The following GRB10 variants were observed in gnomAD, a reference collection of about 807,000 sequenced individuals.
GRB10 encodes the protein growth factor receptor-bound protein 10.
Under a neutral mutation model 80.9 loss-of-function variants are expected in GRB10, and 20 were observed. The ratio of observed to expected loss-of-function variants is 0.25; its 90% confidence interval spans 0.17 to 0.36. The LOEUF is 0.36. GRB10 is among the 10% of genes least tolerant of loss of function. The probability of loss-of-function intolerance (pLI) is 1.00; values close to 1 mark genes in which losing one functional copy is unlikely to be tolerated. For missense variants in GRB10, 548 were observed against 747.7 expected (o/e 0.73, Z 3.12); for synonymous variants, 291 against 291.5 (o/e 1.00, Z 0.02).
chr7:50,605,444 A>G (rs765352363), intron 14 of GRB10, 38 bp from the exon 15 acceptor site: 22 of 1,506,850 alleles, frequency 1.5e-5, no homozygotes, highest in Middle Eastern at 1.7e-4. Context: ...AATGCAGGGA[A>G]ATAAGGCAGA....
chr7:50,756,451 C>G (rs763509589), intron 2 of GRB10, among the ~76,000 whole-genome samples: 2 of 152,214 alleles, frequency 1.3e-5, no homozygotes, highest in African/African-American at 4.8e-5. Context: ...TTCGGCCCAC[C>G]CAGCAGGAAC....
At chr7:50,662,965 T>C (rs1303661820) in intron 7 of GRB10, among the ~76,000 whole-genome samples, 1 of 152,230 alleles carries the variant, frequency 6.6e-6, no homozygotes, top group Non-Finnish European at 1.5e-5. Flanking sequence ...TTTACCAATT[T>C]TGCAAATTCT....
chr7:50,777,673 C>T (rs1471491415), intron 2 of GRB10, among the ~76,000 whole-genome samples: 2 of 152,016 alleles, frequency 1.3e-5, no homozygotes, highest in African/African-American at 4.8e-5. Context: ...CCCAAATGCC[C>T]ATTAATGATA....
intron 3 of GRB10, among the ~76,000 whole-genome samples, chr7:50,738,634 T>G (rs986015245): frequency 3.3e-5 from 5 of 152,202 alleles, no homozygotes; most frequent in African/African-American, 9.7e-5. Flanking sequence ...CATCCTACAG[T>G]TATACAACTG....
At chr7:50,597,931 T>A (rs1402246284) in intron 17 of GRB10, among the ~76,000 whole-genome samples, 1 of 152,180 alleles carries the variant, frequency 6.6e-6, no homozygotes, top group Admixed American at 6.5e-5. Context: ...TGGTGCAATC[T>A]CAGATCACTG....
At chr7:50,765,615 G>T (rs988201459) in intron 2 of GRB10, among the ~76,000 whole-genome samples, 2 of 152,122 alleles carry the variant, frequency 1.3e-5, no homozygotes, top group Non-Finnish European at 2.9e-5. Context: ...AGAGTAGATT[G>T]GTGGTTACCA....
intron 7 of GRB10, among the ~76,000 whole-genome samples, chr7:50,668,573 C>A (rs190185357): frequency 1.3e-5 from 2 of 152,120 alleles, no homozygotes; most frequent in African/African-American, 4.8e-5. Context: ...TTAATTCATA[C>A]GGGATGGCAT....
At chr7:50,678,120 C>A (rs1214793982) in intron 5 of GRB10, among the ~76,000 whole-genome samples, 2 of 152,192 alleles carry the variant, frequency 1.3e-5, no homozygotes, top group Admixed American at 1.3e-4. Context: ...CCTTTTCCTG[C>A]TAAGCCTTCT....
intron 4 of GRB10, among the ~76,000 whole-genome samples, chr7:50,716,157 C>T (rs2066833995): frequency 6.6e-6 from 1 of 152,242 alleles, no homozygotes. Flanking sequence ...ACAGAGCCAT[C>T]TGGAGAGAAG....
intron 5 of GRB10, among the ~76,000 whole-genome samples, chr7:50,692,925 G>A (rs2062993714): frequency 6.6e-6 from 1 of 152,084 alleles, no homozygotes; most frequent in African/African-American, 2.4e-5. Context: ...TGACTTCTGG[G>A]CAAGTTATCA....
chr7:50,736,720 A>C (rs980180150), intron 3 of GRB10, among the ~76,000 whole-genome samples: 1 of 152,064 alleles, frequency 6.6e-6, no homozygotes, highest in Non-Finnish European at 1.5e-5. Context: ...GGAATTGAGG[A>C]TGCAGTGAGC....
At chr7:50,676,340 G>GA (rs1563400611) in intron 5 of GRB10, among the ~76,000 whole-genome samples, 3 of 149,490 alleles carry the variant, frequency 2.0e-5, no homozygotes, top group Non-Finnish European at 4.5e-5. Context: ...CCCACCGGGG[G>GA]GGGGGGGGGG....
chr7:50,655,798 C>T (rs908956200), intron 7 of GRB10, among the ~76,000 whole-genome samples: 1 of 152,238 alleles, frequency 6.6e-6, no homozygotes, highest in Admixed American at 6.5e-5. Flanking sequence ...CTATCTCAGC[C>T]ACCATCCAGG....
In GRB10 at chr7:50,763,118, CA is replaced by C. The variant is rs200821473; in HGVS notation, c.-216-7063del. On this transcript the variant is annotated intron_variant, in intron 2 of 18. Transcript: ENST00000401949. ...GGGCGACAGAGCAAGACTCCGTCTC[CA>C]AAAAAAAAAAAAAGCCTTGGGACAA... 3.0e-3 allele frequency among the ~76,000 whole-genome samples: 312 copies of C among 102,310 alleles called. No individual in the cohort carries two copies. The Middle Eastern group carries it at 0.034, about 11-fold the overall frequency. 67.1% of individuals were successfully genotyped at this position (102,310 alleles called of 152,430 possible).
chr7:50,736,215 G>A (rs1218282357), intron 3 of GRB10, among the ~76,000 whole-genome samples: 2 of 152,170 alleles, frequency 1.3e-5, no homozygotes, highest in Non-Finnish European at 2.9e-5. Flanking sequence ...GAACCTGGGA[G>A]GTGGAGGTTG....
intron 8 of GRB10, among the ~76,000 whole-genome samples, chr7:50,626,277 T>G (rs1304783436): frequency 6.6e-6 from 1 of 152,266 alleles, no homozygotes; most frequent in Non-Finnish European, 1.5e-5. Context: ...AAAGCCTTAT[T>G]AACCAGCAGG....
At chr7:50,692,000 C>G (rs1044539283) in intron 5 of GRB10, among the ~76,000 whole-genome samples, 4 of 152,152 alleles carry the variant, frequency 2.6e-5, no homozygotes. Flanking sequence ...CCCCCCATAT[C>G]CACAGATTTA....
intron 2 of GRB10, among the ~76,000 whole-genome samples, chr7:50,764,695 CTG>C (rs2076145169): frequency 6.6e-6 from 1 of 152,072 alleles, no homozygotes; most frequent in South Asian, 2.1e-4. Flanking sequence ...CAACTGTAAA[CTG>C]AGAACAAAAC....
intron 5 of GRB10, 68 bp from the exon 6 acceptor site, chr7:50,674,726 A>C (rs1445905236): frequency 1.5e-6 from 2 of 1,317,242 alleles, no homozygotes; most frequent in Non-Finnish European, 2.2e-6. Context: ...CCAAATGTAC[A>C]TCTTGGTGAT....
Sources: allele counts gnomAD v4.1 joint callset (sites outside exome capture counted in the v4.1 genomes callset), GRCh38; gene constraint gnomAD v4.1.1; transcripts MANE v1.5; gene names NCBI Gene and HGNC (gene_info 2026-07-23, HGNC 2026-07-21).